The following WASF3 variants were observed in gnomAD, a reference collection of about 807,000 sequenced individuals.
The protein encoded by WASF3 is WASP family member 3.
A neutral mutation model predicts 46.6 loss-of-function variants in WASF3; 11 were observed. The observed-to-expected ratio is 0.24, with a 90% CI of 0.15 to 0.39. The LOEUF (loss-of-function observed/expected upper bound fraction) is 0.39. Among genes scored for constraint, WASF3 ranks in the 10% least tolerant of loss-of-function variants. The pLI is 1.00. For synonymous variants in WASF3, 242 were observed against 259.7 expected, an observed-to-expected ratio of 0.93 and a Z score of 0.65; for missense variants, 576 against 669.8, an observed-to-expected ratio of 0.86 and a Z score of 1.55.
intron 3 of WASF3, among the ~76,000 whole-genome samples, chr13:26,660,775 C>A (rs1330077749): frequency 2.0e-5 from 3 of 152,078 alleles, no homozygotes; most frequent in Admixed American, 2.0e-4. Flanking sequence ...AGTCCAGTAG[C>A]GTCTTTGTGT....
intron 2 of WASF3, chr13:26,640,227 G>A (rs1881954888): frequency 6.6e-6 from 1 of 152,054 alleles, no homozygotes; most frequent in African/African-American, 2.4e-5. Context: ...TTCAACATGA[G>A]ATTTGGAGAG....
intron 3 of WASF3, among the ~76,000 whole-genome samples, chr13:26,646,835 T>C (rs1882164091): frequency 6.6e-6 from 1 of 152,196 alleles, no homozygotes; most frequent in African/African-American, 2.4e-5. Context: ...GTTTCTTTGG[T>C]CTTTTCTAAA....
chr13:26,550,538 G>T, the WASF3 span, among the ~76,000 whole-genome samples: 42 of 152,292 alleles, frequency 2.8e-4, 1 homozygote, highest in East Asian at 8.1e-3. Context: ...GAGATATTTA[G>T]TTACTTTCCT....
chr13:26,616,858 T>G (rs1052948619), intron 2 of WASF3, among the ~76,000 whole-genome samples: 2 of 152,186 alleles, frequency 1.3e-5, no homozygotes, highest in Admixed American at 1.3e-4. Flanking sequence ...TCGTTGTCCC[T>G]GGGGTGTAGT....
intron 1 of WASF3, among the ~76,000 whole-genome samples, chr13:26,604,595 TA>T (rs895460306): frequency 2.6e-5 from 4 of 152,006 alleles, no homozygotes; most frequent in East Asian, 3.9e-4. Flanking sequence ...TACTGAACTA[TA>T]AAAAAAAGAA....
chr13:26,562,836 T>TTCCTCCCTTCCCCTCCCCTC (rs1879333975), intron 1 of WASF3, among the ~76,000 whole-genome samples: 1 of 53,636 alleles, frequency 1.9e-5, no homozygotes, highest in Non-Finnish European at 3.8e-5. Flanking sequence ...GTAGGCTGAT[T>TTCCTCCCTTCCCCTCCCCTC]TCCTCCCCTC....
In WASF3 at chr13:26,687,629, A is replaced by G. The variant is rs1276827187; in HGVS notation, c.*1784A>G. The G allele has an allele frequency of 6.6e-6, 1 of 152,024 alleles. No homozygotes were observed. Among genetic ancestry groups the G allele is most frequent in the Non-Finnish European group, 1.5e-5 (1 of 68,022 alleles). 9.4% of individuals were successfully genotyped at this position (152,024 alleles called of 1,614,324 possible). On this transcript the variant is annotated 3_prime_UTR_variant, in exon 10 of 10. Coordinates refer to ENST00000335327, the MANE Select transcript of WASF3 (RefSeq NM_006646.6). ...AGCGTCCTCTTCAGCGTCTTTTCCT[A>G]GAGCTGGTCACCACTAGGCTGTCAC...
At chr13:26,551,579 G>A in the WASF3 span, among the ~76,000 whole-genome samples, 2 of 152,166 alleles carry the variant, frequency 1.3e-5, no homozygotes, top group African/African-American at 4.8e-5. Context: ...AATTAACCGT[G>A]GCAATAAAGC....
intron 3 of WASF3, among the ~76,000 whole-genome samples, chr13:26,647,525 A>C (rs1882185345): frequency 6.6e-6 from 1 of 152,210 alleles, no homozygotes; most frequent in South Asian, 2.1e-4. Context: ...AATTAAAATC[A>C]CAGTATCTTG....
Position 26,576,794 on chromosome 13 carries a change from A to C in WASF3, c.-109+18975A>C, listed in dbSNP as rs185499841. The C allele has an allele frequency of 7.6e-6, 3 of 395,068 alleles. No individual in the cohort carries two copies. In the East Asian group the frequency reaches 1.5e-4, roughly 20 times the overall value. The allele number at this position is 395,068 out of a possible 1,614,324, so 24.5% of individuals were successfully genotyped here. A position where few individuals can be genotyped will look rare whatever the true frequency, so the allele number is the denominator to read the frequency against. On this transcript the variant is annotated intron_variant, in intron 1 of 9. Transcript: ENST00000335327. Reference sequence around the variant, plus strand: ...TGCAAAAATAGTTCACAGAGGTTCTATGTATTCTTTACCCAGCTTCCTCCA... The same window carrying C: ...TGCAAAAATAGTTCACAGAGGTTCTCTGTATTCTTTACCCAGCTTCCTCCA...
chr13:26,588,453 T>TC (rs1880192539), intron 1 of WASF3, among the ~76,000 whole-genome samples: 1 of 152,194 alleles, frequency 6.6e-6, no homozygotes, highest in African/African-American at 2.4e-5. Flanking sequence ...GTAGTGTCTG[T>TC]CCCCATTCAG....
chr13:26,635,606 T>C (rs541409893), intron 2 of WASF3, among the ~76,000 whole-genome samples: 15 of 152,360 alleles, frequency 9.8e-5, no homozygotes, highest in African/African-American at 3.6e-4. Context: ...CTGCTCTGCT[T>C]TCTCCCCATC....
At chr13:26,588,405 A>G (rs752530617) in intron 1 of WASF3, among the ~76,000 whole-genome samples, 14 of 152,204 alleles carry the variant, frequency 9.2e-5, no homozygotes, top group Non-Finnish European at 1.8e-4. Flanking sequence ...CAGAGTCCCA[A>G]TTCCAGATTT....
intron 4 of WASF3, among the ~76,000 whole-genome samples, chr13:26,666,991 G>A (rs79916227): frequency 4.0e-5 from 6 of 151,582 alleles, no homozygotes; most frequent in Admixed American, 6.6e-5. Context: ...TTGTATCATC[G>A]ATCAAGCTAC....
At chr13:26,550,676 T>C in the WASF3 span, among the ~76,000 whole-genome samples, 2 of 152,192 alleles carry the variant, frequency 1.3e-5, no homozygotes, top group African/African-American at 4.8e-5. Context: ...TGGTGTCTAA[T>C]TAAGGCCTGT....
intron 1 of WASF3, among the ~76,000 whole-genome samples, chr13:26,564,254 G>A (rs1879389697): frequency 6.6e-6 from 1 of 152,190 alleles, no homozygotes; most frequent in African/African-American, 2.4e-5. Flanking sequence ...TTGTTGGCAG[G>A]AACCACATAG....
At position 26,688,447 on chromosome 13, in the gene WASF3, C is replaced by G. The variant is rs1172091658; in HGVS notation, c.*2602C>G. 1 of 152,134 alleles carries G rather than the reference C, an allele frequency of 6.6e-6. No homozygotes were observed. Among genetic ancestry groups the G allele is most frequent in the Non-Finnish European group, 1.5e-5 (1 of 68,028 alleles). 9.4% of individuals were successfully genotyped at this position (152,134 alleles called of 1,614,324 possible). A position where few individuals can be genotyped will look rare whatever the true frequency, so the allele number is the denominator to read the frequency against. On this transcript the variant is annotated 3_prime_UTR_variant, in exon 10 of 10. Coordinates refer to ENST00000335327, the MANE Select transcript of WASF3 (RefSeq NM_006646.6). ...TAAGCTTTTCTCTCATAGCGTAGACCTAGGGAAGGGATGGGAAGATTGCCC... is the reference window on the plus strand; with the variant it reads ...TAAGCTTTTCTCTCATAGCGTAGACGTAGGGAAGGGATGGGAAGATTGCCC...
the WASF3 span, among the ~76,000 whole-genome samples, chr13:26,541,845 C>T: frequency 2.0e-5 from 3 of 152,162 alleles, no homozygotes; most frequent in Non-Finnish European, 2.9e-5. Flanking sequence ...AACCTCTCTT[C>T]GTTAAGCCTC....
chr13:26,630,766 A>G (rs1428557729), intron 2 of WASF3, among the ~76,000 whole-genome samples: 1 of 151,962 alleles, frequency 6.6e-6, no homozygotes, highest in Non-Finnish European at 1.5e-5. Flanking sequence ...ACTAATTTAC[A>G]CTCCCACCAA....
Sources: gnomAD v4.1 joint callset for allele counts (sites outside exome capture counted in the v4.1 genomes callset) on GRCh38, gnomAD v4.1.1 for gene constraint, MANE v1.5 for transcripts, NCBI Gene and HGNC (gene_info 2026-07-23, HGNC 2026-07-21) for gene names.